FBXL13: variants seen among roughly 807,000 people sequenced by gnomAD.
FBXL13 encodes the protein F-box and leucine-rich repeat protein 13.
Under a neutral mutation model 83.6 loss-of-function variants are expected in FBXL13, and 67 were observed. The ratio of observed to expected loss-of-function variants is 0.80; its 90% CI spans 0.66 to 0.98. The LOEUF (loss-of-function observed/expected upper bound fraction) is 0.98, where lower values mean the gene tolerates loss of function less well. Among genes scored for constraint, FBXL13 ranks in the 50% least tolerant of loss-of-function variants. The pLI is 0.00. For synonymous variants in FBXL13, 272 were observed against 299.5 expected (o/e 0.91, Z 0.95); for missense variants, 822 against 866.5 (o/e 0.95, Z 0.64).
intron 2 of FBXL13, among the ~76,000 whole-genome samples, chr7:103,035,882 G>A (rs1296846615): frequency 6.6e-6 from 1 of 152,016 alleles, no homozygotes; most frequent in Non-Finnish European, 1.5e-5. Context: ...CTTCATTAAT[G>A]AGCTTCATTT....
chr7:102,940,886 T>A (rs1361916529), intron 8 of FBXL13, among the ~76,000 whole-genome samples: 2 of 152,254 alleles, frequency 1.3e-5, no homozygotes. Flanking sequence ...TGAAAATGAT[T>A]ATTAAAATTA....
At chr7:102,963,715 C>T (rs1229048896) in intron 7 of FBXL13, 50 bp from the exon 9 acceptor site, 5 of 1,539,890 alleles carry the variant, frequency 3.2e-6, no homozygotes, top group Non-Finnish European at 4.4e-6. Context: ...TCCCCAAAAA[C>T]AATTGCAACA....
intron 6 of FBXL13, among the ~76,000 whole-genome samples, chr7:102,984,824 G>T (rs1350609814): frequency 6.6e-6 from 1 of 152,114 alleles, no homozygotes; most frequent in Non-Finnish European, 1.5e-5. Context: ...TTCTATCTGG[G>T]TTAGGGTTGC....
At chr7:102,870,319 T>A (rs1352168772) in intron 16 of FBXL13, among the ~76,000 whole-genome samples, 2 of 152,214 alleles carry the variant, frequency 1.3e-5, no homozygotes, top group Non-Finnish European at 2.9e-5. Context: ...CATCACCATA[T>A]GATTTATGTT....
At chr7:103,019,618 A>G (rs1003097958) in intron 6 of FBXL13, among the ~76,000 whole-genome samples, 19 of 152,270 alleles carry the variant, frequency 1.2e-4, no homozygotes, top group African/African-American at 4.6e-4. Flanking sequence ...TCAAATAGAC[A>G]CAATAAAAAA....
chr7:102,839,049 T>C (rs1802480409), intron 17 of FBXL13, among the ~76,000 whole-genome samples: 1 of 152,206 alleles, frequency 6.6e-6, no homozygotes, highest in African/African-American at 2.4e-5. Flanking sequence ...AAAACCTGAT[T>C]GTATATTTGT....
chr7:102,882,426 G>A (rs567256773), intron 14 of FBXL13, among the ~76,000 whole-genome samples: 65 of 152,090 alleles, frequency 4.3e-4, no homozygotes, highest in Non-Finnish European at 9.0e-4. Flanking sequence ...ACATAGGTAA[G>A]AGTCTGAGCT....
At chr7:103,032,498 T>C (rs1283798700) in intron 2 of FBXL13, among the ~76,000 whole-genome samples, 2 of 152,174 alleles carry the variant, frequency 1.3e-5, no homozygotes, top group Admixed American at 1.3e-4. Context: ...TAGCCAACTC[T>C]CTGGAATTGG....
At chr7:103,012,936 G>A (rs779052202) in intron 6 of FBXL13, among the ~76,000 whole-genome samples, 2 of 152,200 alleles carry the variant, frequency 1.3e-5, no homozygotes, top group Non-Finnish European at 2.9e-5. Flanking sequence ...TTAAAGTAAA[G>A]GGATGGAGAA....
intron 2 of FBXL13, among the ~76,000 whole-genome samples, chr7:103,042,799 C>T (rs1031913225): frequency 7.9e-5 from 12 of 152,162 alleles, no homozygotes; most frequent in African/African-American, 2.4e-4. Context: ...CCCTTCCTTA[C>T]ACCATATACA....
chr7:102,986,134 A>G (rs2129483967), intron 6 of FBXL13, among the ~76,000 whole-genome samples: 1 of 152,234 alleles, frequency 6.6e-6, no homozygotes, highest in East Asian at 1.9e-4. Flanking sequence ...ATGGGAAGAC[A>G]TTAAGGTTTA....
At chr7:102,934,558 A>T in intron 8 of FBXL13, 1 of 1,613,460 alleles carries the variant, frequency 6.2e-7, no homozygotes, top group Non-Finnish European at 8.5e-7. Flanking sequence ...GTAATGAAGA[A>T]GAAAAGGAAC....
At chr7:102,942,198 A>G in intron 8 of FBXL13, 1 of 943,286 alleles carries the variant, frequency 1.1e-6, no homozygotes, top group Non-Finnish European at 1.6e-6. Context: ...ACTTTCCTAG[A>G]ACAAAAGTTC....
intron 1 of FBXL13, among the ~76,000 whole-genome samples, chr7:103,056,436 T>A (rs138313186): frequency 6.6e-6 from 1 of 152,260 alleles, no homozygotes; most frequent in African/African-American, 2.4e-5. Context: ...GTTTAGTTCT[T>A]TAAGGACTCT....
chr7:102,995,215 C>T (rs1829970646), intron 6 of FBXL13, among the ~76,000 whole-genome samples: 2 of 152,110 alleles, frequency 1.3e-5, no homozygotes, highest in Non-Finnish European at 2.9e-5. Flanking sequence ...GGCACGGTGG[C>T]CCACGCCTGT....
At chr7:103,045,266 G>A (rs1796155655) in intron 2 of FBXL13, among the ~76,000 whole-genome samples, 1 of 152,222 alleles carries the variant, frequency 6.6e-6, no homozygotes, top group Middle Eastern at 3.2e-3. Context: ...CTCAGCTATT[G>A]ATACACGTGC....
chr7:102,868,824 T>C (rs2129455853), intron 16 of FBXL13, among the ~76,000 whole-genome samples: 1 of 152,310 alleles, frequency 6.6e-6, no homozygotes, highest in East Asian at 1.9e-4. Flanking sequence ...TGCACCACCA[T>C]GTCCAGCTAA....
chr7:102,998,540 C>A (rs1790048178), intron 6 of FBXL13, among the ~76,000 whole-genome samples: 1 of 152,032 alleles, frequency 6.6e-6, no homozygotes, highest in Non-Finnish European at 1.5e-5. Flanking sequence ...TTCTTGATTT[C>A]TTTTCAAAAT....
intron 7 of FBXL13, among the ~76,000 whole-genome samples, chr7:102,964,327 A>G (rs1199441277): frequency 1.3e-5 from 2 of 151,498 alleles, no homozygotes; most frequent in Admixed American, 6.6e-5. Flanking sequence ...AAAATAAATA[A>G]ATAGATAGAG....
Sources: gnomAD v4.1 joint callset for allele counts (sites outside exome capture counted in the v4.1 genomes callset) on GRCh38, gnomAD v4.1.1 for gene constraint, MANE v1.5 for transcripts, NCBI Gene and HGNC (gene_info 2026-07-23, HGNC 2026-07-21) for gene names.